The following SLIT2 variants were observed in gnomAD, a reference collection of about 807,000 sequenced individuals.
SLIT2 encodes slit guidance ligand 2, also known as slit homolog 2 protein.
A neutral mutation model predicts 185.7 loss-of-function variants in SLIT2; 41 were observed. That is an observed-to-expected ratio of 0.22 (90% CI 0.17 to 0.29). SLIT2 has a LOEUF of 0.29. Ranked by LOEUF, SLIT2 falls within the 10% of genes least tolerant of loss-of-function variation. The probability of loss-of-function intolerance (pLI) is 1.00; values close to 1 mark genes in which losing one functional copy is unlikely to be tolerated. For missense variants in SLIT2, 1,571 were observed against 1,909.0 expected (o/e 0.82, Z 3.30); for synonymous variants, 693 against 680.2 (o/e 1.02, Z -0.29).
At chr4:20,607,994 C>G (rs1269610570) in intron 33 of SLIT2, among the ~76,000 whole-genome samples, 3 of 152,008 alleles carry the variant, frequency 2.0e-5, no homozygotes, top group Non-Finnish European at 4.4e-5. Context: ...TTTCTGCCAG[C>G]CTTTAACATT....
chr4:20,269,136 A>G (rs1295672526), intron 4 of SLIT2, among the ~76,000 whole-genome samples: 1 of 151,798 alleles, frequency 6.6e-6, no homozygotes, highest in Non-Finnish European at 1.5e-5. Flanking sequence ...TAACGTGATG[A>G]TGGCGAGATT....
chr4:20,411,483 T>G (rs1013548954), intron 4 of SLIT2, among the ~76,000 whole-genome samples: 4 of 152,186 alleles, frequency 2.6e-5, no homozygotes, highest in South Asian at 2.1e-4. Flanking sequence ...TCTGGGTCCT[T>G]GCTCTCATCC....
At chr4:20,459,452 C>T (rs897367269) in intron 4 of SLIT2, among the ~76,000 whole-genome samples, 15 of 152,170 alleles carry the variant, frequency 9.9e-5, no homozygotes, top group Non-Finnish European at 1.9e-4. Flanking sequence ...CAGACTTTCT[C>T]ACTTGCAAAT....
chr4:20,430,268 C>G (rs920564665), intron 4 of SLIT2, among the ~76,000 whole-genome samples: 3 of 152,194 alleles, frequency 2.0e-5, no homozygotes, highest in African/African-American at 7.2e-5. Context: ...GTTGCAGGCT[C>G]ATGCTTAGCT....
chr4:20,499,255 AG>A (rs1335258583), intron 9 of SLIT2, among the ~76,000 whole-genome samples: 1 of 152,040 alleles, frequency 6.6e-6, no homozygotes, highest in Non-Finnish European at 1.5e-5. Flanking sequence ...TTGAGTTGTT[AG>A]AGTTCCTTGT....
chr4:20,471,225 A>C (rs1714970065), intron 5 of SLIT2, among the ~76,000 whole-genome samples: 1 of 151,972 alleles, frequency 6.6e-6, no homozygotes, highest in African/African-American at 2.4e-5. Context: ...AAAATAGTTC[A>C]AACTACATTG....
At chr4:20,407,064 T>C (rs1198591983) in intron 4 of SLIT2, among the ~76,000 whole-genome samples, 1 of 152,194 alleles carries the variant, frequency 6.6e-6, no homozygotes, top group African/African-American at 2.4e-5. Context: ...GCTTCCTTTA[T>C]ATAAATTTTA....
chr4:20,486,406 GAT>G, intron 7 of SLIT2, 135 bp downstream of exon 7: 1 of 586,898 alleles, frequency 1.7e-6, no homozygotes, highest in South Asian at 2.4e-5. Context: ...GAAAAGACTA[GAT>G]ATGATATTTG....
chr4:20,568,903 A>C lies in SLIT2; in HGVS notation c.2987A>C (p.Glu996Ala). 6.2e-7 allele frequency: 1 copy of C among 1,612,438 alleles called. No individual in the cohort carries two copies. Among genetic ancestry groups the C allele is most frequent in the Non-Finnish European group, 8.5e-7 (1 of 1,178,786 alleles). Residue 996 changes from glutamate (E) to alanine (A), a missense_variant, in exon 29 of 37, where the codon GAA becomes GCA. By Grantham distance (107) the Glu-to-Ala change is moderately radical. Transcript: ENST00000504154. ...GATGGATTTGAAGGAGAAAATTGTG[A>C]AGTCAACGTTGATGATTGTGAAGAT... The part of the protein sequence containing the change: ...CADGFEGENC[E>A]VNVDDCEDND...
chr4:20,360,371 TG>T (rs1408758856), intron 4 of SLIT2, among the ~76,000 whole-genome samples: 1 of 152,160 alleles, frequency 6.6e-6, no homozygotes, highest in East Asian at 1.9e-4. Flanking sequence ...AACTTCTAAA[TG>T]GTTTCATGAC....
At chr4:20,580,047 T>TTATATATAA (rs1249593752) in intron 29 of SLIT2, among the ~76,000 whole-genome samples, 246 of 130,612 alleles carry the variant, frequency 1.9e-3, no homozygotes, top group Middle Eastern at 7.6e-3. Flanking sequence ...TATGTATATA[T>TTATATATAA]TATATATTAT....
At chr4:20,369,787 T>C (rs751031750) in intron 4 of SLIT2, among the ~76,000 whole-genome samples, 12 of 152,066 alleles carry the variant, frequency 7.9e-5, no homozygotes, top group Non-Finnish European at 1.8e-4. Context: ...TGTCTATTGC[T>C]CACCATATCT....
chr4:20,385,769 A>T (rs1724885045), intron 4 of SLIT2, among the ~76,000 whole-genome samples: 1 of 152,160 alleles, frequency 6.6e-6, no homozygotes, highest in African/African-American at 2.4e-5. Context: ...TGTGCTTCTG[A>T]AATATGAGTG....
intron 33 of SLIT2, among the ~76,000 whole-genome samples, chr4:20,602,537 T>G (rs1244600522): frequency 6.6e-6 from 1 of 152,136 alleles, no homozygotes; most frequent in Non-Finnish European, 1.5e-5. Flanking sequence ...TTTCCAAAAG[T>G]CTGCATTGGA....
At chr4:20,458,943 T>C (rs1336132072) in intron 4 of SLIT2, among the ~76,000 whole-genome samples, 4 of 152,220 alleles carry the variant, frequency 2.6e-5, no homozygotes, top group Admixed American at 2.6e-4. Context: ...CAGTTGTAAA[T>C]TGCATACTTT....
intron 4 of SLIT2, among the ~76,000 whole-genome samples, chr4:20,464,742 C>T (rs1053164763): frequency 2.0e-5 from 3 of 152,132 alleles, no homozygotes; most frequent in Admixed American, 1.3e-4. Context: ...TGATTTTTGC[C>T]GTTCCTCCCC....
chr4:20,472,756 G>A (rs1260264559), intron 5 of SLIT2, among the ~76,000 whole-genome samples: 1 of 148,414 alleles, frequency 6.7e-6, no homozygotes, highest in African/African-American at 2.5e-5. Flanking sequence ...GTATCTATTA[G>A]GCATTTCCAT....
At chr4:20,443,351 A>G (rs1475652413) in intron 4 of SLIT2, among the ~76,000 whole-genome samples, 1 of 152,136 alleles carries the variant, frequency 6.6e-6, no homozygotes, top group Non-Finnish European at 1.5e-5. Flanking sequence ...ACAGGCTTAC[A>G]ATATTTCTCT....
At chr4:20,488,486 C>T (rs989343274) in intron 7 of SLIT2, among the ~76,000 whole-genome samples, 1 of 152,110 alleles carries the variant, frequency 6.6e-6, no homozygotes, top group African/African-American at 2.4e-5. Flanking sequence ...ATTCTCCCAC[C>T]CCACCCCCAT....
Sources: allele counts gnomAD v4.1 joint callset (sites outside exome capture counted in the v4.1 genomes callset), GRCh38; gene constraint gnomAD v4.1.1; transcripts MANE v1.5; gene names NCBI Gene and HGNC (gene_info 2026-07-23, HGNC 2026-07-21).